The following CHL1 variants were observed in gnomAD, a reference collection of about 807,000 sequenced individuals.
CHL1 encodes the protein neural cell adhesion molecule L1-like protein.
In CHL1, 96 loss-of-function variants were observed where a neutral mutation model predicts 141.9. The observed-to-expected ratio is 0.68, with a 90% CI of 0.57 to 0.80. The LOEUF is 0.80. Among genes scored for constraint, CHL1 ranks in the 30% least tolerant of loss-of-function variants. The pLI is 0.00. For missense variants in CHL1, 1,820 were observed against 1,457.2 expected, an observed-to-expected ratio of 1.25 and a Z score of -4.05; for synonymous variants, 613 against 502.2, an observed-to-expected ratio of 1.22 and a Z score of -2.95.
chr3:221,742 C>T (rs141023862), intron 1 of CHL1, among the ~76,000 whole-genome samples: 267 of 152,312 alleles, frequency 1.8e-3, no homozygotes, highest in African/African-American at 6.1e-3. Context: ...TAGATGTGCA[C>T]ACCATTGAAA....
chr3:255,665 T>G (rs427434), intron 2 of CHL1, among the ~76,000 whole-genome samples: 25,198 of 152,178 alleles, frequency 0.17, 2,348 homozygotes, highest in East Asian at 0.39. Flanking sequence ...ATGGATCATC[T>G]GTGTACTTCA....
At chr3:391,203 T>A (rs992570781) in intron 22 of CHL1, 44 bp downstream of exon 22, 2 of 1,430,202 alleles carry the variant, frequency 1.4e-6, no homozygotes, top group Non-Finnish European at 2.0e-6. Flanking sequence ...ATGGAGGTGA[T>A]CCATGGCCAT....
chr3:394,422 G>T (rs1275590831), intron 23 of CHL1, among the ~76,000 whole-genome samples: 1 of 152,130 alleles, frequency 6.6e-6, no homozygotes, highest in Non-Finnish European at 1.5e-5. Flanking sequence ...TTTCTCTGGG[G>T]TCAAAAGGCC....
intron 1 of CHL1, chr3:198,169 G>GTTTTTT: frequency 3.6e-5 from 7 of 193,642 alleles, no homozygotes; most frequent in Admixed American, 6.0e-5. Flanking sequence ...GGCGGGCGGG[G>GTTTTTT]AAGGGGTGGG....
intron 1 of CHL1, among the ~76,000 whole-genome samples, chr3:215,045 T>C (rs1041059265): frequency 1.3e-5 from 2 of 152,188 alleles, no homozygotes; most frequent in African/African-American, 2.4e-5. Context: ...TCTTAGGCTA[T>C]ACATTCTCAT....
intron 15 of CHL1, chr3:376,280 C>T: frequency 2.3e-6 from 1 of 443,168 alleles, no homozygotes; most frequent in South Asian, 1.8e-5. Context: ...TCTGTGTGAC[C>T]CTATGTGTGA....
At chr3:278,319 A>G (rs1053883040) in intron 2 of CHL1, among the ~76,000 whole-genome samples, 3 of 152,176 alleles carry the variant, frequency 2.0e-5, no homozygotes, top group Non-Finnish European at 4.4e-5. Context: ...CACTGAAATC[A>G]TTTACTAGTT....
At position 322,645 on chromosome 3, in the gene CHL1, A is replaced by AATAT. The variant is rs4002786; in HGVS notation, c.91+2800_91+2803dup. On this transcript the variant is annotated intron_variant, in intron 3 of 27. Transcript: ENST00000256509. ...ATCTCTAAATTATATATATATATAAAATATATATATATATATATATATATA... is the reference window on the plus strand; with the variant it reads ...ATCTCTAAATTATATATATATATAAAATATATATATATATATATATATATATATA... 8.1e-3 allele frequency among the ~76,000 whole-genome samples: 1,060 copies of AATAT among 130,172 alleles called. 13 individuals are homozygous for AATAT. The highest frequency in any genetic ancestry group is 0.012 in the South Asian group (53 of 4,264). 85.4% of individuals were successfully genotyped at this position (130,172 alleles called of 152,430 possible). A position where few individuals can be genotyped will look rare whatever the true frequency, so the allele number is the denominator to read the frequency against.
intron 2 of CHL1, among the ~76,000 whole-genome samples, chr3:293,318 A>G (rs1697872718): frequency 6.6e-6 from 1 of 152,250 alleles, no homozygotes; most frequent in Middle Eastern, 3.4e-3. Flanking sequence ...CCTTGCCAAC[A>G]TGGGGAAAAC....
intron 10 of CHL1, 49 bp from the exon 11 acceptor site, chr3:354,582 ATTTTTGGAC>A: frequency 6.4e-7 from 1 of 1,555,624 alleles, no homozygotes. Flanking sequence ...AGGCCTTAAC[ATTTTTGGAC>A]TTTTTGACAT....
At chr3:341,119 A>G (rs1173902307) in intron 6 of CHL1, among the ~76,000 whole-genome samples, 1 of 152,204 alleles carries the variant, frequency 6.6e-6, no homozygotes, top group East Asian at 1.9e-4. Flanking sequence ...TACCTTTGGA[A>G]TATAGATCAT....
chr3:341,902 C>G lies in CHL1; in HGVS notation c.509-10C>G. ...ATTGCCCTTTTCAATGGCAAGATAT[C>G]TCTTTTCAGAATTAGAACACATCGA... On this transcript the variant is annotated splice_polypyrimidine_tract_variant and intron_variant, in intron 6 of 27. Transcript: ENST00000256509. 1.9e-6 allele frequency: 3 copies of G among 1,569,746 alleles called. No individual in the cohort carries two copies. Among genetic ancestry groups the G allele is most frequent in the Non-Finnish European group, 2.6e-6 (3 of 1,148,986 alleles).
intron 2 of CHL1, among the ~76,000 whole-genome samples, chr3:300,595 T>C (rs918746486): frequency 2.0e-5 from 3 of 152,174 alleles, no homozygotes; most frequent in Non-Finnish European, 4.4e-5. Context: ...GCCTATTCTG[T>C]GCAAGGCAAT....
intron 3 of CHL1, among the ~76,000 whole-genome samples, chr3:322,648 A>ATATATATATATATATATATAAT (rs1700674266): frequency 2.2e-5 from 1 of 45,520 alleles, no homozygotes; most frequent in African/African-American, 3.3e-4. Flanking sequence ...TATATAAAAT[A>ATATATATATATATATATATAAT]TATATATATA....
At chr3:249,514 A>G (rs1018348912) in intron 2 of CHL1, among the ~76,000 whole-genome samples, 1 of 152,186 alleles carries the variant, frequency 6.6e-6, no homozygotes, top group Non-Finnish European at 1.5e-5. Context: ...AATGAATTTT[A>G]TTATGGCATG....
intron 23 of CHL1, among the ~76,000 whole-genome samples, chr3:393,964 C>T (rs6442823): frequency 0.96 from 146,072 of 152,232 alleles, 70,352 homozygotes; most frequent in East Asian, 1. Context: ...TTCTACATTC[C>T]TTCTTGCCAC....
chr3:240,797 T>G (rs1692485601), intron 1 of CHL1, among the ~76,000 whole-genome samples: 1 of 152,132 alleles, frequency 6.6e-6, no homozygotes, highest in South Asian at 2.1e-4. Context: ...AGGATCCAGT[T>G]TCATTCTCCT....
chr3:198,225 C>G (rs978909913), intron 1 of CHL1: 3 of 161,646 alleles, frequency 1.9e-5, no homozygotes, highest in Non-Finnish European at 4.0e-5. Flanking sequence ...GCTGGGTGGC[C>G]CGGCAGAGAG....
At chr3:290,538 G>C (rs1017307489) in intron 2 of CHL1, among the ~76,000 whole-genome samples, 1 of 152,090 alleles carries the variant, frequency 6.6e-6, no homozygotes, top group Non-Finnish European at 1.5e-5. Flanking sequence ...ATTTCTGTTT[G>C]CTTAATTGAA....
Sources: allele counts gnomAD v4.1 joint callset (sites outside exome capture counted in the v4.1 genomes callset), GRCh38; gene constraint gnomAD v4.1.1; transcripts MANE v1.5; gene names NCBI Gene and HGNC (gene_info 2026-07-23, HGNC 2026-07-21).